The following DISC1 variants were observed in gnomAD, a reference collection of about 807,000 sequenced individuals.
The protein encoded by DISC1 is DISC1 scaffold protein.
In DISC1, 57 loss-of-function variants were observed where a neutral mutation model predicts 84.5. The observed-to-expected ratio is 0.67, with a 90% CI of 0.55 to 0.84. The LOEUF is 0.84. DISC1 is among the 40% of genes least tolerant of loss of function. The pLI, the probability that DISC1 is intolerant of heterozygous loss-of-function variation, is 0.00. For synonymous variants in DISC1, 411 were observed against 415.2 expected (o/e 0.99, Z 0.12); for missense variants, 1,000 against 1,057.8 (o/e 0.95, Z 0.76).
intron 10 of DISC1, among the ~76,000 whole-genome samples, chr1:231,971,785 C>T (rs1024283812): frequency 2.6e-5 from 4 of 152,120 alleles, no homozygotes; most frequent in African/African-American, 7.2e-5. Flanking sequence ...TTTATGTGAT[C>T]GTATTGTATG....
intron 1 of DISC1, among the ~76,000 whole-genome samples, chr1:231,627,604 G>A (rs2058369636): frequency 6.6e-6 from 1 of 152,262 alleles, no homozygotes; most frequent in Admixed American, 6.5e-5. Flanking sequence ...AGTGATGATT[G>A]TGGATGGTTG....
intron 1 of DISC1, among the ~76,000 whole-genome samples, chr1:231,648,242 C>A (rs1429185472): frequency 1.3e-5 from 2 of 152,140 alleles, no homozygotes; most frequent in African/African-American, 4.8e-5. Context: ...CCATCAATAC[C>A]TAGTTTATTG....
intron 3 of DISC1, among the ~76,000 whole-genome samples, chr1:231,744,594 G>A (rs2793092): frequency 0.65 from 99,015 of 151,960 alleles, 34,445 homozygotes; most frequent in Non-Finnish European, 0.78. Context: ...AACAAAGGTG[G>A]AATATATGTA....
Position 231,694,121 on chromosome 1 carries a change from G to C in DISC1, c.363G>C (p.Gln121His), listed in dbSNP as rs1558348779. The C allele has an allele frequency of 1.2e-6, 2 of 1,614,186 alleles. No homozygotes were observed. Among genetic ancestry groups the C allele is most frequent in the Non-Finnish European group, 1.7e-6 (2 of 1,180,032 alleles). Residue 121 changes from glutamine (Q) to histidine (H), a missense_variant, in exon 2 of 13, where the codon CAG (glutamine) becomes CAC (histidine). Physicochemically the swap from Gln to His is conservative, Grantham distance 24. Transcript: ENST00000439617. ...GAACCTCGGCGCACTTTGGGATTCA[G>C]CTCAGAGGTGGCACCAGATTGCCTG... ...VRGTSAHFGI[Q>H]LRGGTRLPDR...
At chr1:231,815,423 T>C (rs890080010) in intron 8 of DISC1, among the ~76,000 whole-genome samples, 4 of 152,174 alleles carry the variant, frequency 2.6e-5, no homozygotes, top group Non-Finnish European at 4.4e-5. Flanking sequence ...GTGGCACTAC[T>C]CTTTTGCATC....
chr1:231,812,747 G>A (rs2080431462), intron 8 of DISC1, among the ~76,000 whole-genome samples: 1 of 152,168 alleles, frequency 6.6e-6, no homozygotes, highest in Admixed American at 6.5e-5. Flanking sequence ...ACAGATCTCT[G>A]ATGGGACTTT....
At chr1:231,645,496 T>C (rs904896945) in intron 1 of DISC1, among the ~76,000 whole-genome samples, 1 of 151,150 alleles carries the variant, frequency 6.6e-6, no homozygotes, top group Non-Finnish European at 1.5e-5. Flanking sequence ...GTTTATGTCA[T>C]GTCACTTCTT....
intron 3 of DISC1, chr1:231,722,716 A>G: frequency 1.9e-6 from 3 of 1,560,250 alleles, no homozygotes; most frequent in Middle Eastern, 1.7e-4. Context: ...GAATACGCTC[A>G]TTTATGATCA....
At chr1:231,958,278 G>T (rs1659865537) in intron 9 of DISC1, among the ~76,000 whole-genome samples, 1 of 152,234 alleles carries the variant, frequency 6.6e-6, no homozygotes, top group Non-Finnish European at 1.5e-5. Context: ...TAATTAGGAA[G>T]CGCTGAGTTT....
rs145676995 is a variant in DISC1 at position 231,675,942 on chromosome 1, G to A, written c.68-17884G>A. ...CGGGTCACTGCAACCTCCGCCTCCCGGGTTCAAGCAATTCTCCTGCCTCAG... is the reference window on the plus strand; with the variant it reads ...CGGGTCACTGCAACCTCCGCCTCCCAGGTTCAAGCAATTCTCCTGCCTCAG... On this transcript the variant is annotated intron_variant, in intron 1 of 12. Coordinates refer to ENST00000439617, the MANE Select transcript of DISC1 (RefSeq NM_018662.3). The surrounding 1 kb of genome is among the most constrained non-coding windows in gnomAD (Gnocchi z 4.1). Among the ~76,000 whole-genome samples, 5,628 of 150,824 alleles carry A rather than the reference G, an allele frequency of 0.037. 346 individuals carry two copies. The highest frequency in any genetic ancestry group is 0.13 in the African/African-American group (5,319 of 41,180).
chr1:231,974,204 G>A (rs199579868), intron 10 of DISC1, among the ~76,000 whole-genome samples: 157 of 152,264 alleles, frequency 1.0e-3, no homozygotes, highest in Admixed American at 1.7e-3. Context: ...TGGCCTTCCC[G>A]TGGTCTCAAG....
In DISC1 at chr1:231,714,533, C is replaced by A. The variant is rs569621199; in HGVS notation, c.1117+12509C>A. ...CCATATGATTCAGCAATTCTACTCA[C>A]AGATATGTATGAAACAGAGACAGAG... is the stretch of plus-strand genomic sequence containing the variant. On this transcript the variant is annotated intron_variant, in intron 3 of 12. Transcript: ENST00000439617. Among the ~76,000 whole-genome samples, 26 of 151,768 alleles carry A rather than the reference C, an allele frequency of 1.7e-4. No homozygotes were observed. In the South Asian group the frequency reaches 5.4e-3, roughly 32 times the overall value.
At chr1:231,816,598 G>A (rs184960319) in intron 8 of DISC1, among the ~76,000 whole-genome samples, 322 of 152,196 alleles carry the variant, frequency 2.1e-3, no homozygotes, top group Middle Eastern at 6.8e-3. Context: ...GTGGTTTGAG[G>A]TATGAATCAA....
rs746098096 is a variant in DISC1 at position 232,009,117 on chromosome 1, A to T, written c.2307+68A>T. The T allele has an allele frequency of 1.9e-6, 3 of 1,604,252 alleles. No individual in the cohort carries two copies. Among genetic ancestry groups the T allele is most frequent in the Non-Finnish European group, 2.6e-6 (3 of 1,174,668 alleles). ...AAGGGGTGCTTTGGGACCATGCTCC[A>T]AATGGGAACAATAAATATTGGGAAG... On this transcript the variant is annotated intron_variant, in intron 11 of 12. Transcript: ENST00000439617. The surrounding 1 kb of genome is among the most constrained non-coding windows in gnomAD (Gnocchi z 4.6).
At chr1:231,908,005 C>T (rs2126045566) in intron 9 of DISC1, among the ~76,000 whole-genome samples, 1 of 152,270 alleles carries the variant, frequency 6.6e-6, no homozygotes, top group Non-Finnish European at 1.5e-5. Flanking sequence ...ATCCTTTGCT[C>T]ACTTTTTGAT....
rs1024272504 is a variant in DISC1, at chr1:231,954,227, G to A, written c.1982-4601G>A. On this transcript the variant is annotated intron_variant, in intron 9 of 12. Coordinates refer to ENST00000439617, the MANE Select transcript of DISC1 (RefSeq NM_018662.3). The surrounding 1 kb of genome is among the most constrained non-coding windows in gnomAD (Gnocchi z 4.8). Reference sequence around the variant, plus strand: ...TGAGAAATCAGTGTTAAAGAGGCTGGTCCCACAGCTATCTCTGTGTCCCTG... The same window carrying A: ...TGAGAAATCAGTGTTAAAGAGGCTGATCCCACAGCTATCTCTGTGTCCCTG... Among the ~76,000 whole-genome samples, 1 of 152,108 alleles carries A rather than the reference G, an allele frequency of 6.6e-6. No homozygotes were observed. Among genetic ancestry groups the A allele is most frequent in the African/African-American group, 2.4e-5 (1 of 41,396 alleles).
At chr1:231,789,851 G>T (rs2078184579) in intron 6 of DISC1, among the ~76,000 whole-genome samples, 1 of 151,988 alleles carries the variant, frequency 6.6e-6, no homozygotes, top group African/African-American at 2.4e-5. Flanking sequence ...CATTCTGTTT[G>T]TGATATTGCA....
intron 10 of DISC1, among the ~76,000 whole-genome samples, chr1:231,990,451 AG>A (rs1344334222): frequency 6.6e-6 from 1 of 151,994 alleles, no homozygotes; most frequent in Non-Finnish European, 1.5e-5. Flanking sequence ...CTGTGGTGGT[AG>A]GAGATCGGGG....
chr1:231,836,778 G>C (rs2082659118), intron 9 of DISC1, among the ~76,000 whole-genome samples: 1 of 152,132 alleles, frequency 6.6e-6, no homozygotes, highest in Non-Finnish European at 1.5e-5. Context: ...TAACTTCCCA[G>C]GATGTCCGCG....
Sources: gnomAD v4.1 joint callset for allele counts (sites outside exome capture counted in the v4.1 genomes callset) on GRCh38, gnomAD v4.1.1 for gene constraint, Gnocchi (gnomAD v3.1) non-coding constraint, MANE v1.5 for transcripts, NCBI Gene and HGNC (gene_info 2026-07-23, HGNC 2026-07-21) for gene names.